The following CHCHD3 variants were observed in gnomAD, a reference collection of about 807,000 sequenced individuals.
CHCHD3 encodes coiled-coil-helix-coiled-coil-helix domain containing 3.
A neutral mutation model predicts 38.2 loss-of-function variants in CHCHD3; 20 were observed. That is an observed-to-expected ratio of 0.52 (90% confidence interval 0.37 to 0.76). CHCHD3 has a LOEUF of 0.76. CHCHD3 is among the 30% of genes least tolerant of loss of function. The probability of loss-of-function intolerance (pLI) is 0.00; values close to 1 mark genes in which losing one functional copy is unlikely to be tolerated. For missense variants in CHCHD3, 245 were observed against 279.2 expected (o/e 0.88, Z 0.87); for synonymous variants, 82 against 100.0 (o/e 0.82, Z 1.07).
At chr7:132,862,325 G>C (rs1166618167) in intron 5 of CHCHD3, among the ~76,000 whole-genome samples, 1 of 152,144 alleles carries the variant, frequency 6.6e-6, no homozygotes, top group Non-Finnish European at 1.5e-5. Flanking sequence ...CTGCAGGTTT[G>C]GTTTCACACT....
At chr7:132,895,696 G>C (rs1286241762) in intron 4 of CHCHD3, among the ~76,000 whole-genome samples, 1 of 152,176 alleles carries the variant, frequency 6.6e-6, no homozygotes, top group Non-Finnish European at 1.5e-5. Flanking sequence ...AGCTCTCTTT[G>C]CCTGCCACTA....
At chr7:132,953,958 T>A (rs893806555) in intron 4 of CHCHD3, among the ~76,000 whole-genome samples, 2 of 152,132 alleles carry the variant, frequency 1.3e-5, no homozygotes, top group African/African-American at 4.8e-5. Context: ...ATAAAAGAGT[T>A]TGGAAATATG....
chr7:132,883,496 G>A (rs1369640317), intron 5 of CHCHD3, among the ~76,000 whole-genome samples: 1 of 152,146 alleles, frequency 6.6e-6, no homozygotes, highest in African/African-American at 2.4e-5. Context: ...CCACTACAAC[G>A]AGGGAGCCAA....
At chr7:132,848,563 C>T (rs61611995) in intron 5 of CHCHD3, among the ~76,000 whole-genome samples, 43,571 of 152,002 alleles carry the variant, frequency 0.29, 6,331 homozygotes, top group East Asian at 0.37. Context: ...ATTGACTTTG[C>T]AATGAACTAC....
chr7:132,970,676 A>G (rs1811590777), intron 4 of CHCHD3, among the ~76,000 whole-genome samples: 1 of 152,218 alleles, frequency 6.6e-6, no homozygotes, highest in African/African-American at 2.4e-5. Flanking sequence ...TAAGCACTCA[A>G]TAAAACATCT....
intron 7 of CHCHD3, among the ~76,000 whole-genome samples, chr7:132,795,291 A>G (rs1806578655): frequency 6.6e-6 from 1 of 152,222 alleles, no homozygotes; most frequent in South Asian, 2.1e-4. Context: ...TTAACAGCAT[A>G]TCAGAAGCTG....
At chr7:133,036,075 T>A in intron 2 of CHCHD3, 1 of 693,538 alleles carries the variant, frequency 1.4e-6, no homozygotes, top group South Asian at 1.7e-5. Context: ...ATAAAATAAT[T>A]CGCTAGGCAA....
intron 4 of CHCHD3, among the ~76,000 whole-genome samples, chr7:132,893,973 C>T (rs1809432890): frequency 6.6e-6 from 1 of 152,154 alleles, no homozygotes; most frequent in Admixed American, 6.5e-5. Context: ...AGTATATCTG[C>T]TATTCTCTTA....
chr7:133,019,506 G>C (rs1284027290), intron 3 of CHCHD3, among the ~76,000 whole-genome samples: 1 of 152,056 alleles, frequency 6.6e-6, no homozygotes, highest in Non-Finnish European at 1.5e-5. Flanking sequence ...AACACAGATG[G>C]CTGATAAAAT....
At chr7:132,919,004 C>G (rs192553404) in intron 4 of CHCHD3, among the ~76,000 whole-genome samples, 52 of 150,756 alleles carry the variant, frequency 3.4e-4, no homozygotes, top group Admixed American at 3.2e-3. Context: ...GTTTTCTCCA[C>G]GAGGTAGATT....
chr7:132,997,282 A>T (rs971265335), intron 3 of CHCHD3, among the ~76,000 whole-genome samples: 1 of 152,198 alleles, frequency 6.6e-6, no homozygotes, highest in African/African-American at 2.4e-5. Context: ...AGGAAGATTA[A>T]TCTGTCCTCC....
intron 7 of CHCHD3, among the ~76,000 whole-genome samples, chr7:132,792,785 G>A (rs1306290140): frequency 1.3e-5 from 2 of 152,166 alleles, no homozygotes; most frequent in Non-Finnish European, 2.9e-5. Context: ...AATTAGATTA[G>A]GATTGCAGCA....
At chr7:132,808,894 C>T (rs185065713) in intron 6 of CHCHD3, among the ~76,000 whole-genome samples, 2 of 142,948 alleles carry the variant, frequency 1.4e-5, no homozygotes, top group East Asian at 4.3e-4. Context: ...CCTCCCCCCA[C>T]GAAACTGGAA....
At chr7:132,808,854 T>C (rs1332591781) in intron 6 of CHCHD3, among the ~76,000 whole-genome samples, 2 of 151,898 alleles carry the variant, frequency 1.3e-5, no homozygotes, top group Non-Finnish European at 2.9e-5. Context: ...CATCTAGCAT[T>C]AGGTATATCT....
At chr7:133,066,019 A>G (rs1196826051) in intron 2 of CHCHD3, among the ~76,000 whole-genome samples, 1 of 152,228 alleles carries the variant, frequency 6.6e-6, no homozygotes, top group African/African-American at 2.4e-5. Flanking sequence ...TCCAGATCAG[A>G]GCTATGCAAC....
At position 132,930,163 on chromosome 7, in the gene CHCHD3, A is replaced by ATTTT. The variant is rs769791949; in HGVS notation, c.370-44422_370-44419dup. 2.9e-3 allele frequency among the ~76,000 whole-genome samples: 373 copies of ATTTT among 127,446 alleles called. 3 individuals carry two copies. The highest frequency in any genetic ancestry group is 7.3e-3 in the South Asian group (28 of 3,816). 83.6% of individuals were successfully genotyped at this position (127,446 alleles called of 152,430 possible). ...CCTCCTTCTTAACCTCCCACTCCTAATTTTTTTTTTTTTTTTTTTTGAGAC... is the reference window on the plus strand; with the variant it reads ...CCTCCTTCTTAACCTCCCACTCCTAATTTTTTTTTTTTTTTTTTTTTTTTGAGAC... On this transcript the variant is annotated intron_variant, in intron 4 of 7. Transcript: ENST00000262570.
rs371587418 is a variant in CHCHD3, at chr7:133,025,437, G to A, written c.170-810C>T. ...ACCTACTACCCAAAATTACGAACAA[G>A]AAAGCACCAGAAGCACTTAGGAGGA... On this transcript the variant is annotated intron_variant, in intron 2 of 7. Coordinates refer to ENST00000262570, the MANE Select transcript of CHCHD3 (RefSeq NM_017812.4). Among the ~76,000 whole-genome samples the A allele has an allele frequency of 3.2e-3, 481 of 152,296 alleles. 2 individuals are homozygous for A. The South Asian group carries it at 0.037, about 12-fold the overall frequency.
chr7:133,004,238 A>G (rs556798853), intron 3 of CHCHD3, among the ~76,000 whole-genome samples: 1 of 152,352 alleles, frequency 6.6e-6, no homozygotes, highest in South Asian at 2.1e-4. Context: ...CTGGGATTAC[A>G]GGCATGAGCC....
intron 4 of CHCHD3, among the ~76,000 whole-genome samples, chr7:132,934,070 C>A (rs1810578877): frequency 6.6e-6 from 1 of 152,202 alleles, no homozygotes. Context: ...CTGGGAGGGA[C>A]TTACTGGACC....
Sources: gnomAD v4.1 joint callset for allele counts (sites outside exome capture counted in the v4.1 genomes callset) on GRCh38, gnomAD v4.1.1 for gene constraint, MANE v1.5 for transcripts, NCBI Gene and HGNC (gene_info 2026-07-23, HGNC 2026-07-21) for gene names.